Variants in FABP7 observed in about 807,000 individuals in gnomAD.
FABP7 encodes fatty acid binding protein 7.
In FABP7, 13 loss-of-function variants were observed where a neutral mutation model predicts 14.2. That is an observed-to-expected ratio of 0.91 (90% CI 0.59 to 1.45). FABP7 has a LOEUF of 1.45. Ranked by LOEUF, FABP7 falls within the 40% of genes most tolerant of loss-of-function variation. The pLI, the probability that FABP7 is intolerant of heterozygous loss-of-function variation, is 0.00. For missense variants in FABP7, 149 were observed against 157.6 expected, an observed-to-expected ratio of 0.95 and a Z score of 0.29; for synonymous variants, 49 against 51.4, an observed-to-expected ratio of 0.95 and a Z score of 0.20.
At chr6:122,783,603 G>A (rs987266445) in intron 3 of FABP7, 114 bp from the exon 4 acceptor site, 88 of 1,446,960 alleles carry the variant, frequency 6.1e-5, no homozygotes, top group Non-Finnish European at 7.9e-5. Flanking sequence ...AGCATTTAAT[G>A]TTTGTAAATG....
the FABP7 span, among the ~76,000 whole-genome samples, chr6:122,751,457 G>A: frequency 3.9e-5 from 6 of 152,280 alleles, no homozygotes; most frequent in East Asian, 1.2e-3. Flanking sequence ...TATGCATGCA[G>A]GCATCTATGC....
At chr6:122,773,987 A>G in the FABP7 span, among the ~76,000 whole-genome samples, 1 of 152,170 alleles carries the variant, frequency 6.6e-6, no homozygotes, top group Non-Finnish European at 1.5e-5. Flanking sequence ...TCAATCTGTC[A>G]TAATCTTTCC....
At chr6:122,773,922 C>A in the FABP7 span, among the ~76,000 whole-genome samples, 16,663 of 151,824 alleles carry the variant, frequency 0.11, 1,600 homozygotes, top group East Asian at 0.37. Context: ...ATAATGAATT[C>A]TTTACCATTA....
the FABP7 span, among the ~76,000 whole-genome samples, chr6:122,768,197 T>C: frequency 6.6e-6 from 1 of 152,112 alleles, no homozygotes; most frequent in Admixed American, 6.6e-5. Context: ...TTGGTCACCA[T>C]TGAAACTCTG....
At chr6:122,771,747 G>A in the FABP7 span, among the ~76,000 whole-genome samples, 2 of 152,192 alleles carry the variant, frequency 1.3e-5, no homozygotes, top group East Asian at 3.9e-4. Flanking sequence ...TAAAGAAGAG[G>A]CTTAGATACC....
the FABP7 span, among the ~76,000 whole-genome samples, chr6:122,762,007 A>G: frequency 6.6e-6 from 1 of 152,220 alleles, no homozygotes; most frequent in African/African-American, 2.4e-5. Flanking sequence ...TCCAATCAAT[A>G]GAAAAAGAGG....
At chr6:122,779,502 A>C, upstream of FABP7, 2 of 425,306 alleles carry the variant, frequency 4.7e-6, no homozygotes, top group Non-Finnish European at 8.6e-6. Context: ...CTGTAGTGTG[A>C]GGATTGGGAG....
the FABP7 span, among the ~76,000 whole-genome samples, chr6:122,772,959 C>T: frequency 6.6e-6 from 1 of 152,020 alleles, no homozygotes; most frequent in African/African-American, 2.4e-5. Flanking sequence ...CAGGTAAGCC[C>T]CTAGGGAATG....
At chr6:122,773,891 A>C in the FABP7 span, among the ~76,000 whole-genome samples, 4 of 152,150 alleles carry the variant, frequency 2.6e-5, no homozygotes, top group African/African-American at 9.7e-5. Context: ...CTTTTTAAAA[A>C]AAACAAACAA....
chr6:122,753,905 A>T, the FABP7 span, among the ~76,000 whole-genome samples: 1 of 151,718 alleles, frequency 6.6e-6, no homozygotes, highest in African/African-American at 2.4e-5. Flanking sequence ...GGCTGGAGTG[A>T]AGTTACAAAG....
In FABP7 at chr6:122,783,793, G is replaced by A; in HGVS notation, c.*26G>A. 6.3e-7 allele frequency: 1 copy of A among 1,577,856 alleles called. No homozygotes were observed. Among genetic ancestry groups the A allele is most frequent in the Non-Finnish European group, 8.7e-7 (1 of 1,153,546 alleles). The stretch of plus-strand genomic sequence containing the variant: ...AAATGTTCCTGGTCGGGGCTTGGAA[G>A]AGCTCTTCAGTTTTTCTGTTTCCTC... On this transcript the variant is annotated 3_prime_UTR_variant, in exon 4 of 4. Coordinates refer to ENST00000368444, the MANE Select transcript of FABP7 (RefSeq NM_001446.5).
intron 3 of FABP7, chr6:122,783,059 C>A (rs1421641650): frequency 1.0e-6 from 1 of 985,316 alleles, no homozygotes; most frequent in Non-Finnish European, 1.2e-6. Flanking sequence ...TACTCCTGAA[C>A]ATCACATCAA....
chr6:122,763,869 A>G, the FABP7 span, among the ~76,000 whole-genome samples: 148 of 152,334 alleles, frequency 9.7e-4, no homozygotes, highest in African/African-American at 3.4e-3. Context: ...TAGAATGGCA[A>G]TCATTAAAAA....
At chr6:122,782,670 A>G (rs9401595) in intron 3 of FABP7, 166,045 of 985,198 alleles carry the variant, frequency 0.17, 15,242 homozygotes, top group South Asian at 0.35. Context: ...AATGCTTTAC[A>G]TAGTCCTTGT....
the FABP7 span, among the ~76,000 whole-genome samples, chr6:122,759,002 A>G: frequency 6.6e-6 from 1 of 152,220 alleles, no homozygotes; most frequent in African/African-American, 2.4e-5. Context: ...ACTTAAAGAA[A>G]CAAGCTCCCT....
At chr6:122,773,520 C>G in the FABP7 span, among the ~76,000 whole-genome samples, 1 of 152,160 alleles carries the variant, frequency 6.6e-6, no homozygotes, top group East Asian at 1.9e-4. Flanking sequence ...CCAGCATTAC[C>G]TATTATGGGA....
chr6:122,751,289 A>G, the FABP7 span, among the ~76,000 whole-genome samples: 1 of 152,218 alleles, frequency 6.6e-6, no homozygotes, highest in Admixed American at 6.5e-5. Context: ...TACGTAAACT[A>G]CACAGAATAT....
At chr6:122,754,366 C>T in the FABP7 span, among the ~76,000 whole-genome samples, 1 of 152,132 alleles carries the variant, frequency 6.6e-6, no homozygotes, top group East Asian at 1.9e-4. Flanking sequence ...TCAGTGTCCA[C>T]GTGCTCTGCC....
upstream of FABP7, among the ~76,000 whole-genome samples, chr6:122,777,877 A>AATAAATATAT (rs1780703097): frequency 2.4e-5 from 1 of 41,648 alleles, no homozygotes; most frequent in Non-Finnish European, 9.2e-5. Context: ...AATAAATATA[A>AATAAATATAT]TTTTTTTATG....
Sources: allele counts gnomAD v4.1 joint callset (sites outside exome capture counted in the v4.1 genomes callset), GRCh38; gene constraint gnomAD v4.1.1; transcripts MANE v1.5; gene names NCBI Gene and HGNC (gene_info 2026-07-23, HGNC 2026-07-21).